The following DCDC1 variants were observed in gnomAD, a reference collection of about 807,000 sequenced individuals.
DCDC1 encodes doublecortin domain-containing protein 1.
DCDC1 carries 200 observed loss-of-function variants against 178.3 expected under a neutral mutation model. The observed-to-expected ratio is 1.12, with a 90% confidence interval of 1.00 to 1.26. DCDC1 has a LOEUF of 1.26. Ranked by LOEUF, DCDC1 falls within the 50% of genes most tolerant of loss-of-function variation. The probability of loss-of-function intolerance (pLI) is 0.00; values close to 1 mark genes in which losing one functional copy is unlikely to be tolerated. For missense variants in DCDC1, 1,983 were observed against 1,749.2 expected, an observed-to-expected ratio of 1.13 and a Z score of -2.38; for synonymous variants, 690 against 604.8, an observed-to-expected ratio of 1.14 and a Z score of -2.07.
chr11:31,259,396 C>T (rs1056911349), intron 8 of DCDC1, among the ~76,000 whole-genome samples: 3 of 151,940 alleles, frequency 2.0e-5, no homozygotes, highest in African/African-American at 7.2e-5. Context: ...ATGATAAAAG[C>T]TAATTTTATA....
intron 9 of DCDC1, among the ~76,000 whole-genome samples, chr11:31,212,786 T>C (rs1972737160): frequency 6.6e-6 from 1 of 152,216 alleles, no homozygotes; most frequent in Non-Finnish European, 1.5e-5. Context: ...ATTCTAATTT[T>C]AGGAGTTCAT....
intron 20 of DCDC1, among the ~76,000 whole-genome samples, chr11:30,998,322 G>C (rs1001044426): frequency 2.1e-5 from 3 of 145,408 alleles, no homozygotes; most frequent in African/African-American, 5.7e-5. Context: ...AAGTGGGGAG[G>C]GGGGAGGAAG....
intron 9 of DCDC1, among the ~76,000 whole-genome samples, chr11:31,179,413 A>G (rs957032845): frequency 6.6e-6 from 1 of 152,244 alleles, no homozygotes; most frequent in Non-Finnish European, 1.5e-5. Context: ...GCCAAAATAC[A>G]GAATCAACCT....
chr11:31,346,228 T>C (rs907789541), intron 1 of DCDC1, among the ~76,000 whole-genome samples: 2 of 151,764 alleles, frequency 1.3e-5, no homozygotes, highest in Non-Finnish European at 2.9e-5. Flanking sequence ...TCAAGAATCA[T>C]AGGAGGGTGG....
At chr11:31,213,123 CTCT>C (rs1565442216) in intron 9 of DCDC1, among the ~76,000 whole-genome samples, 2 of 127,624 alleles carry the variant, frequency 1.6e-5, no homozygotes, top group Non-Finnish European at 3.4e-5. Context: ...CTCTCTCTCT[CTCT>C]CTCTCTCTCT....
At chr11:31,203,866 CA>C (rs1565426049) in intron 9 of DCDC1, among the ~76,000 whole-genome samples, 1 of 151,894 alleles carries the variant, frequency 6.6e-6, no homozygotes, top group African/African-American at 2.4e-5. Context: ...TGCAACAAAA[CA>C]AAAAATAAAA....
At chr11:30,985,556 T>G (rs994001519) in intron 20 of DCDC1, among the ~76,000 whole-genome samples, 8 of 152,180 alleles carry the variant, frequency 5.3e-5, no homozygotes, top group African/African-American at 1.9e-4. Flanking sequence ...TGTAGACATC[T>G]GAGTAAAAAT....
At chr11:31,263,056 C>G (rs966357245) in intron 8 of DCDC1, 5 of 1,612,964 alleles carry the variant, frequency 3.1e-6, no homozygotes, top group African/African-American at 1.3e-5. Context: ...AGTATCACGT[C>G]TCAGAGTCAG....
chr11:31,357,841 G>A (rs1951471781), intron 1 of DCDC1, among the ~76,000 whole-genome samples: 1 of 151,540 alleles, frequency 6.6e-6, no homozygotes, highest in African/African-American at 2.4e-5. Flanking sequence ...ATTCACAATT[G>A]CTTCAAAGAG....
chr11:30,989,636 A>T (rs1258067267), intron 20 of DCDC1, among the ~76,000 whole-genome samples: 2 of 152,178 alleles, frequency 1.3e-5, no homozygotes, highest in East Asian at 1.9e-4. Flanking sequence ...GCTTTCTAAG[A>T]TGGAGCACTA....
chr11:31,218,985 A>G (rs1565454546), intron 9 of DCDC1, among the ~76,000 whole-genome samples: 1 of 152,144 alleles, frequency 6.6e-6, no homozygotes, highest in African/African-American at 2.4e-5. Context: ...GGCTTGAAGA[A>G]ACAGTGAAGG....
intron 20 of DCDC1, among the ~76,000 whole-genome samples, chr11:31,055,087 A>G (rs1955500312): frequency 6.6e-6 from 1 of 152,208 alleles, no homozygotes; most frequent in African/African-American, 2.4e-5. Context: ...CAATCTATAC[A>G]TCTGACAAAA....
chr11:31,083,267 A>AGATCC (rs1317377321), intron 17 of DCDC1, among the ~76,000 whole-genome samples: 2 of 152,236 alleles, frequency 1.3e-5, no homozygotes, highest in African/African-American at 2.4e-5. Context: ...GGTTCCATGT[A>AGATCC]AGTCTGAAAC....
At chr11:31,360,080 C>T (rs548336509) in intron 1 of DCDC1, among the ~76,000 whole-genome samples, 1 of 152,232 alleles carries the variant, frequency 6.6e-6, no homozygotes, top group Non-Finnish European at 1.5e-5. Context: ...TTAGGTCTGC[C>T]TCCTGAATTG....
At chr11:31,176,596 T>G (rs943442041) in intron 9 of DCDC1, among the ~76,000 whole-genome samples, 1 of 152,138 alleles carries the variant, frequency 6.6e-6, no homozygotes, top group Admixed American at 6.5e-5. Context: ...GCCAGGCACA[T>G]TATAATTAAA....
chr11:30,875,971 A>G (rs1354951628), intron 38 of DCDC1, among the ~76,000 whole-genome samples: 1 of 152,216 alleles, frequency 6.6e-6, no homozygotes, highest in Non-Finnish European at 1.5e-5. Context: ...TTACTTGCTT[A>G]GAAACATTGC....
chr11:30,952,451 A>C lies in DCDC1; in HGVS notation c.2709T>G (p.Leu903=), dbSNP rs767393106. ...YMWPVLPSGQ[L]NEEFDWPIQG... ...TTAAGCTAAGCAACACAACCTCATT[A>C]AGTTGGCCACTGGGAAGGACAGGCC... The change falls in exon 21 of 39, where the codon CTT becomes CTG. Residue 903 remains leucine, a synonymous_variant. Coordinates refer to ENST00000684477, the MANE Select transcript of DCDC1 (RefSeq NM_001387274.1). 4.5e-6 allele frequency: 7 copies of C among 1,566,352 alleles called. No individual in the cohort carries two copies. In the Admixed American group the frequency reaches 1.0e-4, roughly 23 times the overall value.
In DCDC1 at chr11:31,083,883, T is replaced by C. The variant is rs562187458; in HGVS notation, c.2238-5958A>G. Among the ~76,000 whole-genome samples, 5 of 152,332 alleles carry C rather than the reference T, an allele frequency of 3.3e-5. No homozygotes were observed. In the East Asian group the frequency reaches 9.6e-4, roughly 29 times the overall value. ...CAGATACCCTGCATATCTGCAATCCTTAAAAATGAAGCAATATCAATATTG... is the reference window on the plus strand; with the variant it reads ...CAGATACCCTGCATATCTGCAATCCCTAAAAATGAAGCAATATCAATATTG... On this transcript the variant is annotated intron_variant, in intron 17 of 38. Transcript: ENST00000684477.
chr11:31,338,936 C>A (rs981443364), intron 1 of DCDC1, among the ~76,000 whole-genome samples: 16 of 152,016 alleles, frequency 1.1e-4, no homozygotes, highest in African/African-American at 3.4e-4. Flanking sequence ...AAGAAATAAA[C>A]TTTTATATGA....
Sources: allele counts gnomAD v4.1 joint callset (sites outside exome capture counted in the v4.1 genomes callset), GRCh38; gene constraint gnomAD v4.1.1; transcripts MANE v1.5; gene names NCBI Gene and HGNC (gene_info 2026-07-23, HGNC 2026-07-21).